The following CPNE4 variants were observed in gnomAD, a reference collection of about 807,000 sequenced individuals.
CPNE4 encodes the protein copine 4.
In CPNE4, 25 loss-of-function variants were observed where a neutral mutation model predicts 67.9. The ratio of observed to expected loss-of-function variants is 0.37; its 90% CI spans 0.27 to 0.51. The LOEUF (loss-of-function observed/expected upper bound fraction) is 0.51, where lower values mean the gene tolerates loss of function less well. CPNE4 is among the 20% of genes least tolerant of loss of function. CPNE4 has a pLI of 0.93. For synonymous variants in CPNE4, 242 were observed against 244.9 expected, an observed-to-expected ratio of 0.99 and a Z score of 0.11; for missense variants, 464 against 690.8, an observed-to-expected ratio of 0.67 and a Z score of 3.68.
At chr3:131,646,493 C>G (rs2079667483) in intron 7 of CPNE4, among the ~76,000 whole-genome samples, 2 of 152,108 alleles carry the variant, frequency 1.3e-5, no homozygotes, top group South Asian at 4.2e-4. Flanking sequence ...AAAAACCTCC[C>G]CCATGTTTCT....
intron 7 of CPNE4, among the ~76,000 whole-genome samples, chr3:131,609,662 A>G (rs965746379): frequency 1.3e-5 from 2 of 152,212 alleles, no homozygotes; most frequent in African/African-American, 4.8e-5. Context: ...TGATACATGT[A>G]AGGGAATAAT....
intron 2 of CPNE4, among the ~76,000 whole-genome samples, chr3:131,734,721 C>T (rs1050780754): frequency 2.6e-5 from 4 of 151,984 alleles, no homozygotes; most frequent in Non-Finnish European, 4.4e-5. Flanking sequence ...CTTGTCTCTA[C>T]TAGAAACACA....
intron 2 of CPNE4, among the ~76,000 whole-genome samples, chr3:131,801,122 T>A (rs950353232): frequency 2.0e-5 from 3 of 151,858 alleles, no homozygotes; most frequent in African/African-American, 7.3e-5. Context: ...CAGATGATAC[T>A]CATGGGTAGC....
intron 2 of CPNE4, among the ~76,000 whole-genome samples, chr3:131,858,864 A>T (rs115395258): frequency 0.032 from 4,833 of 152,232 alleles, 254 homozygotes; most frequent in African/African-American, 0.11. Context: ...AGGGATGCAA[A>T]CACTTTGAGC....
At chr3:132,023,714 C>G (rs1276706089) in intron 1 of CPNE4, among the ~76,000 whole-genome samples, 1 of 152,112 alleles carries the variant, frequency 6.6e-6, no homozygotes, top group Non-Finnish European at 1.5e-5. Context: ...GTCTCGATCT[C>G]CTGACCTCGT....
At chr3:131,648,103 T>C (rs1321613189) in intron 7 of CPNE4, among the ~76,000 whole-genome samples, 1 of 152,188 alleles carries the variant, frequency 6.6e-6, no homozygotes, top group East Asian at 1.9e-4. Flanking sequence ...CTGGGCATAG[T>C]GGTTTATGCC....
chr3:131,963,554 G>C (rs1347261019), intron 1 of CPNE4, among the ~76,000 whole-genome samples: 1 of 152,178 alleles, frequency 6.6e-6, no homozygotes, highest in African/African-American at 2.4e-5. Flanking sequence ...GCTTGGTAGG[G>C]GGAGGGGCAT....
At chr3:131,654,273 G>A (rs59894010) in intron 7 of CPNE4, among the ~76,000 whole-genome samples, 17,460 of 151,838 alleles carry the variant, frequency 0.11, 1,153 homozygotes, top group African/African-American at 0.17. Context: ...TTTATTTTAG[G>A]TTGAGGGGTA....
intron 1 of CPNE4, among the ~76,000 whole-genome samples, chr3:131,956,871 T>A (rs189767518): frequency 7.4e-4 from 113 of 152,376 alleles, no homozygotes; most frequent in Middle Eastern, 3.4e-3. Flanking sequence ...TTGTAGAATT[T>A]ATCCCCAAGT....
At chr3:131,939,894 T>C (rs1398560236) in intron 1 of CPNE4, among the ~76,000 whole-genome samples, 2 of 152,140 alleles carry the variant, frequency 1.3e-5, no homozygotes, top group Non-Finnish European at 2.9e-5. Context: ...CACGTTCAGG[T>C]AGGTATTAAT....
At position 131,580,488 on chromosome 3, in the gene CPNE4, ACACG is replaced by A. The variant is rs374692189; in HGVS notation, c.867+1087_867+1090del. Among the ~76,000 whole-genome samples, 839 of 151,670 alleles carry A rather than the reference ACACG, an allele frequency of 5.5e-3. 11 individuals carry two copies. The highest frequency in any genetic ancestry group is 0.017 in the African/African-American group (682 of 41,144). On this transcript the variant is annotated intron_variant, in intron 9 of 15. Coordinates refer to ENST00000429747, the MANE Select transcript of CPNE4 (RefSeq NM_130808.3). ...TATATGTATGCCTGTATACACACAC[ACACG>A]CACACACACACACAACATGCACACA...
chr3:131,812,484 T>C (rs16837858), intron 2 of CPNE4, among the ~76,000 whole-genome samples: 17,691 of 152,180 alleles, frequency 0.12, 1,223 homozygotes, highest in African/African-American at 0.18. Flanking sequence ...GGTTGTCAAT[T>C]AGCTCAAAGC....
intron 1 of CPNE4, among the ~76,000 whole-genome samples, chr3:132,023,511 G>A (rs1250260640): frequency 4.1e-5 from 5 of 120,584 alleles, no homozygotes; most frequent in Admixed American, 1.0e-4. Context: ...TTTTTGAGAC[G>A]GAGTCTCGCT....
intron 2 of CPNE4, among the ~76,000 whole-genome samples, chr3:131,758,884 T>C (rs1423008988): frequency 2.0e-5 from 3 of 152,152 alleles, no homozygotes; most frequent in South Asian, 4.2e-4. Flanking sequence ...GCTGCTGCCA[T>C]GTAAGAAGTG....
At chr3:131,882,747 A>T (rs2087727882) in intron 2 of CPNE4, among the ~76,000 whole-genome samples, 1 of 119,562 alleles carries the variant, frequency 8.4e-6, no homozygotes, top group Admixed American at 9.7e-5. Flanking sequence ...TTTGAGACGG[A>T]GTCTCGCTCT....
intron 2 of CPNE4, among the ~76,000 whole-genome samples, chr3:131,735,032 C>G (rs2082204355): frequency 6.6e-6 from 1 of 152,200 alleles, no homozygotes; most frequent in Admixed American, 6.5e-5. Flanking sequence ...GCTTCTTGCA[C>G]AGCGTGCCTA....
chr3:131,594,368 C>T (rs1209865989), intron 7 of CPNE4, among the ~76,000 whole-genome samples: 1 of 152,012 alleles, frequency 6.6e-6, no homozygotes, highest in African/African-American at 2.4e-5. Flanking sequence ...ACCAATAGAA[C>T]AGAATAGAGA....
At chr3:131,854,825 C>A (rs2086375410) in intron 2 of CPNE4, among the ~76,000 whole-genome samples, 1 of 151,534 alleles carries the variant, frequency 6.6e-6, no homozygotes, top group South Asian at 2.1e-4. Context: ...TCTCTCCCTC[C>A]TTTCATTTCC....
At chr3:131,997,579 A>T (rs1235129159) in intron 1 of CPNE4, among the ~76,000 whole-genome samples, 1 of 152,178 alleles carries the variant, frequency 6.6e-6, no homozygotes, top group Non-Finnish European at 1.5e-5. Flanking sequence ...TTTACAGATA[A>T]GAGTAGGTTC....
Sources: allele counts gnomAD v4.1 joint callset (sites outside exome capture counted in the v4.1 genomes callset), GRCh38; gene constraint gnomAD v4.1.1; transcripts MANE v1.5; gene names NCBI Gene and HGNC (gene_info 2026-07-23, HGNC 2026-07-21).